NR6A1: variants seen among roughly 807,000 people sequenced by gnomAD.
NR6A1 encodes the protein retinoic acid receptor-related testis-associated receptor.
NR6A1 carries 7 observed loss-of-function variants against 59.1 expected under a neutral mutation model. The ratio of observed to expected loss-of-function variants is 0.12; its 90% CI spans 0.07 to 0.22. The LOEUF (loss-of-function observed/expected upper bound fraction) is 0.22. NR6A1 is among the 10% of genes least tolerant of loss of function. The probability of loss-of-function intolerance (pLI) is 1.00; values close to 1 mark genes in which losing one functional copy is unlikely to be tolerated. For synonymous variants in NR6A1, 243 were observed against 236.1 expected, an observed-to-expected ratio of 1.03 and a Z score of -0.27; for missense variants, 468 against 611.6, an observed-to-expected ratio of 0.77 and a Z score of 2.48.
chr9:124,638,902 A>G (rs759319081), intron 2 of NR6A1, among the ~76,000 whole-genome samples: 1 of 152,218 alleles, frequency 6.6e-6, no homozygotes, highest in Non-Finnish European at 1.5e-5. Flanking sequence ...TTGCCATACT[A>G]TTCAAGATAC....
chr9:124,715,062 G>T (rs1839376737), intron 2 of NR6A1, among the ~76,000 whole-genome samples: 2 of 152,236 alleles, frequency 1.3e-5, no homozygotes, highest in South Asian at 4.1e-4. Context: ...GCTTGGCATG[G>T]TGGTGCACAC....
chr9:124,626,190 G>C (rs763021064), intron 2 of NR6A1, among the ~76,000 whole-genome samples: 10 of 152,136 alleles, frequency 6.6e-5, no homozygotes, highest in African/African-American at 2.2e-4. Context: ...ATTTTCCGTA[G>C]AGACAGGGTT....
intron 2 of NR6A1, among the ~76,000 whole-genome samples, chr9:124,623,890 C>G (rs947646178): frequency 6.6e-6 from 1 of 152,314 alleles, no homozygotes; most frequent in South Asian, 2.1e-4. Flanking sequence ...TCCCCTTTCT[C>G]CACACTTTTT....
rs188551122 is a variant in NR6A1 at position 124,609,952 on chromosome 9, T to A, written c.143-55382A>T. On this transcript the variant is annotated intron_variant, in intron 2 of 9. Transcript: ENST00000487099. ...TAGGAATGCTTGTGATTTTTGCACA[T>A]TGATTTTGTATCCTGAGACTGCTGA... Among the ~76,000 whole-genome samples the A allele has an allele frequency of 2.6e-5, 4 of 152,368 alleles. No homozygotes were observed. In the East Asian group the frequency reaches 7.7e-4, roughly 29 times the overall value.
rs558480069 is a variant in NR6A1 at position 124,570,611 on chromosome 9, T to G, written c.143-16041A>C. On this transcript the variant is annotated intron_variant, in intron 2 of 9. Transcript: ENST00000487099. ...ATGTGGGGATCTCTGAATTAGAAAC[T>G]AAGCTGTTATTTGTAATACAAGGTT... 5.8e-4 allele frequency among the ~76,000 whole-genome samples: 89 copies of G among 152,200 alleles called. 1 individual carries two copies. In the South Asian group the frequency reaches 0.018, roughly 30 times the overall value.
At chr9:124,543,976 A>G (rs953606630) in intron 3 of NR6A1, 119 bp from the exon 4 acceptor site, 1 of 740,492 alleles carries the variant, frequency 1.4e-6, no homozygotes, top group Admixed American at 2.3e-5. Flanking sequence ...CCAACATTAA[A>G]ACACAGGTCC....
Position 124,522,578 on chromosome 9 carries a change from TTGCTATGGA to T in NR6A1, c.*118_*126del. On this transcript the variant is annotated 3_prime_UTR_variant, in exon 10 of 10. Transcript: ENST00000487099. ...ACAGACAAACAAACAAAAACTCTTC[TTGCTATGGA>T]GGCAACGGGAAATGCTGCTCCACAG... 1.7e-6 allele frequency: 1 copy of T among 593,690 alleles called. No individual in the cohort carries two copies. Among genetic ancestry groups the T allele is most frequent in the Non-Finnish European group, 2.9e-6 (1 of 343,092 alleles). The allele number at this position is 593,690 out of a possible 1,614,324, so 36.8% of individuals were successfully genotyped here.
chr9:124,716,691 G>A (rs1839424761), intron 2 of NR6A1, among the ~76,000 whole-genome samples: 1 of 152,202 alleles, frequency 6.6e-6, no homozygotes, highest in African/African-American at 2.4e-5. Context: ...CAATGCAGTG[G>A]TGCAATCTTG....
intron 2 of NR6A1, among the ~76,000 whole-genome samples, chr9:124,638,036 C>A (rs187401123): frequency 6.6e-6 from 1 of 151,948 alleles, no homozygotes; most frequent in African/African-American, 2.4e-5. Flanking sequence ...TAGCCTGAGT[C>A]CAGGAGTTCT....
At chr9:124,549,275 T>A (rs1239012983) in intron 3 of NR6A1, among the ~76,000 whole-genome samples, 2 of 152,126 alleles carry the variant, frequency 1.3e-5, no homozygotes, top group African/African-American at 4.8e-5. Context: ...AAACCACATG[T>A]GCAAAACAGG....
chr9:124,651,320 A>G (rs1257820639), intron 2 of NR6A1, among the ~76,000 whole-genome samples: 1 of 152,120 alleles, frequency 6.6e-6, no homozygotes, highest in Admixed American at 6.5e-5. Context: ...CGGCCTCCCA[A>G]AGTGCTGGAA....
At chr9:124,559,634 G>A (rs373521886) in intron 2 of NR6A1, among the ~76,000 whole-genome samples, 11 of 152,208 alleles carry the variant, frequency 7.2e-5, no homozygotes, top group African/African-American at 2.2e-4. Flanking sequence ...AAAATTAGCC[G>A]GGCATGGTGG....
At chr9:124,623,245 A>C (rs1836130079) in intron 2 of NR6A1, among the ~76,000 whole-genome samples, 1 of 152,150 alleles carries the variant, frequency 6.6e-6, no homozygotes. Flanking sequence ...CTGAGTTTTC[A>C]AAGAGTTTGG....
rs1377608034 is a variant in NR6A1, at chr9:124,518,399, G to C, written c.*4306C>G. 6.6e-6 allele frequency: 1 copy of C among 151,924 alleles called. No individual in the cohort carries two copies. The highest frequency in any genetic ancestry group is 1.5e-5 in the Non-Finnish European group (1 of 68,008). The allele number at this position is 151,924 out of a possible 1,614,324, so 9.4% of individuals were successfully genotyped here. On this transcript the variant is annotated 3_prime_UTR_variant, in exon 10 of 10. Coordinates refer to ENST00000487099, the MANE Select transcript of NR6A1 (RefSeq NM_033334.4). Reference sequence around the variant, plus strand: ...GCTCTCTGGAGTTCCCGCCTTGGAGGAAACAGTTCAGGTATGGCTCCCAAG... The same window carrying C: ...GCTCTCTGGAGTTCCCGCCTTGGAGCAAACAGTTCAGGTATGGCTCCCAAG...
intron 2 of NR6A1, among the ~76,000 whole-genome samples, chr9:124,563,059 T>C (rs1167659863): frequency 2.0e-5 from 3 of 152,240 alleles, no homozygotes; most frequent in Non-Finnish European, 4.4e-5. Flanking sequence ...CAGGTAGGTT[T>C]TGATTAAAGA....
chr9:124,631,914 C>T (rs954455007), intron 2 of NR6A1, among the ~76,000 whole-genome samples: 12 of 152,086 alleles, frequency 7.9e-5, no homozygotes, highest in African/African-American at 2.7e-4. Flanking sequence ...TGAGAACATG[C>T]GGTATTTGGC....
In NR6A1 at chr9:124,526,768, C is replaced by T. The variant is rs768314257; in HGVS notation, c.1201+11G>A. 1.9e-5 allele frequency: 30 copies of T among 1,612,672 alleles called. No individual in the cohort carries two copies. The highest frequency in any genetic ancestry group is 1.7e-4 in the Middle Eastern group (1 of 6,050). On this transcript the variant is annotated intron_variant, in intron 8 of 9. Transcript: ENST00000487099. ...ACTGCAAACGTCCCTTTTCCCACCC[C>T]AGCCACTCACCTTGATTTAGGAAGT...
chr9:124,629,834 T>C (rs554317429), intron 2 of NR6A1, among the ~76,000 whole-genome samples: 1 of 152,352 alleles, frequency 6.6e-6, no homozygotes, highest in African/African-American at 2.4e-5. Context: ...TGTGGTTTTT[T>C]TAAAATAGTC....
intron 2 of NR6A1, among the ~76,000 whole-genome samples, chr9:124,684,351 A>G (rs552677970): frequency 6.6e-6 from 1 of 152,320 alleles, no homozygotes; most frequent in East Asian, 1.9e-4. Flanking sequence ...CTGAGTGTTC[A>G]CAAGAGCCAT....
Sources: allele counts gnomAD v4.1 joint callset (sites outside exome capture counted in the v4.1 genomes callset), GRCh38; gene constraint gnomAD v4.1.1; transcripts MANE v1.5; gene names NCBI Gene and HGNC (gene_info 2026-07-23, HGNC 2026-07-21).